The following AMZ1 variants were observed in gnomAD, a reference collection of about 807,000 sequenced individuals.
The protein encoded by AMZ1 is archaemetzincin-1.
AMZ1 carries 39 observed loss-of-function variants against 29.9 expected under a neutral mutation model. That is an observed-to-expected ratio of 1.30 (90% CI 1.01 to 1.70). The LOEUF is 1.70. Ranked by LOEUF, AMZ1 falls within the 40% of genes most tolerant of loss-of-function variation. The pLI, the probability that AMZ1 is intolerant of heterozygous loss-of-function variation, is 0.00. For synonymous variants in AMZ1, 458 were observed against 304.0 expected (o/e 1.51, Z -5.27); for missense variants, 1,041 against 680.6 (o/e 1.53, Z -5.89).
chr7:2,680,592 C>T (rs373936286), intron 1 of AMZ1, among the ~76,000 whole-genome samples: 1 of 152,240 alleles, frequency 6.6e-6, no homozygotes, highest in African/African-American at 2.4e-5. Context: ...CATTTTCACC[C>T]CCGACCCCAG....
downstream of AMZ1, among the ~76,000 whole-genome samples, chr7:2,724,226 G>C (rs1789536269): frequency 6.6e-6 from 1 of 152,180 alleles, no homozygotes; most frequent in African/African-American, 2.4e-5. Context: ...GCCACTTCTG[G>C]TCAGACTTTA....
intron 4 of AMZ1, among the ~76,000 whole-genome samples, chr7:2,726,554 C>G (rs1789625388): frequency 6.6e-6 from 1 of 152,164 alleles, no homozygotes; most frequent in South Asian, 2.1e-4. Flanking sequence ...TGAGGACATC[C>G]AGGCTCCCAG....
chr7:2,734,651 G>T (rs1447457763), intron 4 of AMZ1, among the ~76,000 whole-genome samples: 1 of 152,234 alleles, frequency 6.6e-6, no homozygotes, highest in Non-Finnish European at 1.5e-5. Flanking sequence ...AAAGCAGAGA[G>T]GAAGCTCCTT....
chr7:2,707,212 A>G (rs1788405146), intron 3 of AMZ1, among the ~76,000 whole-genome samples: 1 of 151,842 alleles, frequency 6.6e-6, no homozygotes, highest in Non-Finnish European at 1.5e-5. Context: ...GGCGGAGGTT[A>G]CAGTGAACTG....
upstream of AMZ1, among the ~76,000 whole-genome samples, chr7:2,759,720 T>A (rs887809024): frequency 6.6e-6 from 1 of 152,164 alleles, no homozygotes; most frequent in Admixed American, 6.5e-5. Context: ...GAGAGAGATG[T>A]ATACACTTCA....
At chr7:2,748,556 C>T (rs1281381712) in intron 4 of AMZ1, among the ~76,000 whole-genome samples, 3 of 151,920 alleles carry the variant, frequency 2.0e-5, no homozygotes, top group African/African-American at 4.8e-5. Flanking sequence ...CCATAAAAAC[C>T]CTAGAAGAAA....
intron 4 of AMZ1, among the ~76,000 whole-genome samples, chr7:2,725,345 C>A (rs994947911): frequency 6.6e-6 from 1 of 152,242 alleles, no homozygotes; most frequent in Non-Finnish European, 1.5e-5. Flanking sequence ...ACGGACACAG[C>A]TGCGCGAGGG....
At chr7:2,695,021 GC>G (rs1457487996) in intron 1 of AMZ1, among the ~76,000 whole-genome samples, 1 of 152,126 alleles carries the variant, frequency 6.6e-6, no homozygotes, top group African/African-American at 2.4e-5. Context: ...GCGTTCACCT[GC>G]CCTGGGACCC....
chr7:2,695,590 G>A (rs1047156707), intron 1 of AMZ1, among the ~76,000 whole-genome samples: 2 of 151,444 alleles, frequency 1.3e-5, no homozygotes, highest in Non-Finnish European at 1.5e-5. Flanking sequence ...GTACATGTCC[G>A]TAGTCTCAGC....
downstream of AMZ1, among the ~76,000 whole-genome samples, chr7:2,722,560 C>G (rs1023696450): frequency 6.6e-6 from 1 of 152,176 alleles, no homozygotes; most frequent in Admixed American, 6.5e-5. Context: ...CGTGAGCCAC[C>G]GTGCCCAGCC....
intron 4 of AMZ1, among the ~76,000 whole-genome samples, chr7:2,758,559 A>C (rs894456546): frequency 3.3e-5 from 5 of 152,062 alleles, no homozygotes; most frequent in African/African-American, 9.7e-5. Flanking sequence ...CTTTCAGCTA[A>C]GCCAAAGGGA....
intron 4 of AMZ1, among the ~76,000 whole-genome samples, chr7:2,741,039 C>T (rs1003493131): frequency 4.1e-5 from 6 of 146,506 alleles, no homozygotes; most frequent in East Asian, 3.9e-4. Flanking sequence ...AGCGAGACTC[C>T]GTCTCAAAAC....
chr7:2,728,521 G>C (rs1482227569), intron 4 of AMZ1: 1 of 152,294 alleles, frequency 6.6e-6, no homozygotes. Context: ...CCCTATATGC[G>C]TCTTATGTGT....
chr7:2,735,988 G>A (rs539254510), intron 4 of AMZ1, among the ~76,000 whole-genome samples: 4 of 152,116 alleles, frequency 2.6e-5, no homozygotes, highest in African/African-American at 4.8e-5. Context: ...GGTGCACTGC[G>A]GTTCACCAAC....
chr7:2,764,327 C>T (rs1052742824), upstream of AMZ1, among the ~76,000 whole-genome samples: 1 of 151,838 alleles, frequency 6.6e-6, no homozygotes, highest in East Asian at 1.9e-4. Flanking sequence ...GAGTGATCCT[C>T]CCATCTCAGC....
chr7:2,712,594 A>G lies in AMZ1; in HGVS notation c.1213A>G (p.Lys405Glu). The change falls in exon 7 of 7, where the codon AAG becomes GAG. Residue 405 changes from lysine (K) to glutamate (E), a missense_variant. Transcript: ENST00000683327. ...LPPGGPAEAI[K>E]EHERWLAMCI... Reference sequence around the variant, plus strand: ...ACCTGGGGGCCCTGCGGAGGCCATCAAGGAGCATGAACGGTGGCTGGCCAT... The same window carrying G: ...ACCTGGGGGCCCTGCGGAGGCCATCGAGGAGCATGAACGGTGGCTGGCCAT... 1 of 1,612,558 alleles carries G rather than the reference A, an allele frequency of 6.2e-7. No homozygotes were observed. Among genetic ancestry groups the G allele is most frequent in the South Asian group, 1.1e-5 (1 of 90,970 alleles).
chr7:2,738,640 T>C (rs906151658), intron 4 of AMZ1, among the ~76,000 whole-genome samples: 1 of 151,964 alleles, frequency 6.6e-6, no homozygotes, highest in Non-Finnish European at 1.5e-5. Flanking sequence ...GAATGGGGGA[T>C]GGGACAGAGA....
chr7:2,705,699 G>T (rs1486509293), intron 3 of AMZ1, among the ~76,000 whole-genome samples: 1 of 152,186 alleles, frequency 6.6e-6, no homozygotes, highest in Non-Finnish European at 1.5e-5. Context: ...GCTGGGGTGG[G>T]GTGCCATCCC....
intron 4 of AMZ1, among the ~76,000 whole-genome samples, chr7:2,748,393 G>A (rs1274928151): frequency 4.6e-5 from 7 of 152,080 alleles, no homozygotes; most frequent in Admixed American, 6.6e-5. Flanking sequence ...AAACCTGACA[G>A]AAACAAGCAA....
Sources: allele counts gnomAD v4.1 joint callset (sites outside exome capture counted in the v4.1 genomes callset), GRCh38; gene constraint gnomAD v4.1.1; transcripts MANE v1.5; gene names NCBI Gene and HGNC (gene_info 2026-07-23, HGNC 2026-07-21).